Variants in HNRNPU observed in about 807,000 individuals in gnomAD.
HNRNPU encodes the protein HNRNPU antisense RNA 1.
In HNRNPU, 5 loss-of-function variants were observed where a neutral mutation model predicts 94.7. The observed-to-expected ratio is 0.05, with a 90% confidence interval of 0.03 to 0.11. The LOEUF (loss-of-function observed/expected upper bound fraction) is 0.11, where lower values mean the gene tolerates loss of function less well. Among genes scored for constraint, HNRNPU ranks in the 10% least tolerant of loss-of-function variants. The pLI, the probability that HNRNPU is intolerant of heterozygous loss-of-function variation, is 1.00. For synonymous variants in HNRNPU, 434 were observed against 381.6 expected, an observed-to-expected ratio of 1.14 and a Z score of -1.60; for missense variants, 710 against 1,049.2, an observed-to-expected ratio of 0.68 and a Z score of 4.47.
Position 244,853,397 on chromosome 1 carries a change from TTC to T in HNRNPU, c.*1051_*1052del, listed in dbSNP as rs1680597585. The T allele has an allele frequency of 6.6e-6, 1 of 152,550 alleles. No homozygotes were observed. The highest frequency in any genetic ancestry group is 2.4e-5 in the African/African-American group (1 of 41,424). 9.4% of individuals were successfully genotyped at this position (152,550 alleles called of 1,614,324 possible). On this transcript the variant is annotated 3_prime_UTR_variant, in exon 14 of 14. Transcript: ENST00000640218. ...AATCCCAAAACAAGAGTAAAATGAATTCTTTTTATTGCAAACAAACGTCTAAA... is the reference window on the plus strand; with the variant it reads ...AATCCCAAAACAAGAGTAAAATGAATTTTTTATTGCAAACAAACGTCTAAA...
chr1:244,857,529 G>A (rs1181032301), intron 8 of HNRNPU, 69 bp downstream of exon 8: 1 of 1,507,490 alleles, frequency 6.6e-7, no homozygotes, highest in East Asian at 2.3e-5. Flanking sequence ...TTACAGGCGT[G>A]AACCACCATG....
chr1:244,855,126 G>A (rs1680644135), intron 12 of HNRNPU, 82 bp from the exon 13 acceptor site: 4 of 1,092,094 alleles, frequency 3.7e-6, no homozygotes. Flanking sequence ...GAGCAGAAAT[G>A]GACAGGTTGC....
At position 244,850,571 on chromosome 1, in the gene HNRNPU, TTATG is replaced by T. The variant is rs1680521177; in HGVS notation, c.*3875_*3878del. ...TTAACAATTCGAAGAGACTTGTGGT[TTATG>T]TATTAGTAATTCAAATTACTGTTTT... On this transcript the variant is annotated 3_prime_UTR_variant, in exon 14 of 14. Coordinates refer to ENST00000640218, the MANE Select transcript of HNRNPU (RefSeq NM_031844.3). 1 of 150,450 alleles carries T rather than the reference TTATG, an allele frequency of 6.6e-6. No homozygotes were observed. Among genetic ancestry groups the T allele is most frequent in the African/African-American group, 2.4e-5 (1 of 40,938 alleles). 9.3% of individuals were successfully genotyped at this position (150,450 alleles called of 1,614,324 possible). A position where few individuals can be genotyped will look rare whatever the true frequency, so the allele number is the denominator to read the frequency against.
chr1:244,864,508 A>C lies in HNRNPU; in HGVS notation c.-201T>G. 1 of 872,476 alleles carries C rather than the reference A, an allele frequency of 1.1e-6. No homozygotes were observed. The highest frequency in any genetic ancestry group is 1.9e-5 in the South Asian group (1 of 52,466). 54.0% of individuals were successfully genotyped at this position (872,476 alleles called of 1,614,324 possible). ...CACCGAGTTCGCGAGGGAGACGCGG[A>C]GACTCGCCTGGCGCGAGCGAGCACG... On this transcript the variant is annotated 5_prime_UTR_variant, in exon 1 of 14. Coordinates refer to ENST00000640218, the MANE Select transcript of HNRNPU (RefSeq NM_031844.3).
chr1:244,855,302 T>C lies in HNRNPU; in HGVS notation c.2352+122A>G, dbSNP rs2102984855. The C allele has an allele frequency of 9.1e-6, 9 of 989,222 alleles. No individual in the cohort carries two copies. In the South Asian group the frequency reaches 1.2e-4, roughly 14 times the overall value. The allele number at this position is 989,222 out of a possible 1,614,324, so 61.3% of individuals were successfully genotyped here. On this transcript the variant is annotated intron_variant, in intron 12 of 13. Coordinates refer to ENST00000640218, the MANE Select transcript of HNRNPU (RefSeq NM_031844.3). ...TCATTTCACCATTACTAGTTCAATT[T>C]TCCTTATGTCAATGCCTATCATGTT... is the stretch of plus-strand genomic sequence containing the variant.
At position 244,864,328 on chromosome 1, in the gene HNRNPU, G is replaced by C. The variant is rs757373909; in HGVS notation, c.-21C>G. The stretch of plus-strand genomic sequence containing the variant: ...CTCATGGTGAGGGCCCCGATTCACC[G>C]CTAGGCGCTGCCTCAAACTCGGCTC... On this transcript the variant is annotated 5_prime_UTR_variant, in exon 1 of 14. Transcript: ENST00000640218. 3 of 1,608,830 alleles carry C rather than the reference G, an allele frequency of 1.9e-6. No individual in the cohort carries two copies. The highest frequency in any genetic ancestry group is 2.2e-5 in the East Asian group (1 of 44,760).
rs777015649 is a variant in HNRNPU, at chr1:244,858,726, T to C, written c.1230+3A>G. The C allele has an allele frequency of 1.3e-6, 2 of 1,500,452 alleles. No homozygotes were observed. The highest frequency in any genetic ancestry group is 1.9e-6 in the Non-Finnish European group (2 of 1,078,824). The allele number at this position is 1,500,452 out of a possible 1,614,324, so 92.9% of individuals were successfully genotyped here. A position where few individuals can be genotyped will look rare whatever the true frequency, so the allele number is the denominator to read the frequency against. ...TATACATAGAAAGTTAGCTTTAACT[T>C]ACAGCAAAACATGTAATCACATCAT... On this transcript the variant is annotated splice_donor_region_variant and intron_variant, in intron 6 of 13. Transcript: ENST00000640218.
chr1:244,853,907 T>A lies in HNRNPU; in HGVS notation c.*543A>T, dbSNP rs905261350. 1.3e-5 allele frequency: 2 copies of A among 152,772 alleles called. No individual in the cohort carries two copies. The highest frequency in any genetic ancestry group is 2.9e-5 in the Non-Finnish European group (2 of 68,090). 9.5% of individuals were successfully genotyped at this position (152,772 alleles called of 1,614,324 possible). Reference sequence around the variant, plus strand: ...TTATTTTAAGAAAAAACCTTCCCAGTTATTGTCAGAAACTATGATTTAGCT... The same window carrying A: ...TTATTTTAAGAAAAAACCTTCCCAGATATTGTCAGAAACTATGATTTAGCT... On this transcript the variant is annotated 3_prime_UTR_variant, in exon 14 of 14. Transcript: ENST00000640218.
rs995352473 is a variant in HNRNPU at position 244,851,280 on chromosome 1, T to G, written c.*3170A>C. The G allele has an allele frequency of 1.3e-5, 2 of 152,244 alleles. No individual in the cohort carries two copies. Among genetic ancestry groups the G allele is most frequent in the Non-Finnish European group, 2.9e-5 (2 of 68,032 alleles). 9.4% of individuals were successfully genotyped at this position (152,244 alleles called of 1,614,324 possible). On this transcript the variant is annotated 3_prime_UTR_variant, in exon 14 of 14. Transcript: ENST00000640218. ...TTTTTTAAAAATCAAATATACAAGA[T>G]CTACAATTATTTATATCCAAGATGT...
Position 244,864,026 on chromosome 1 carries a change from TTCC to T in HNRNPU, c.279_281del (p.Glu94del), listed in dbSNP as rs749084511. On this transcript the variant is annotated inframe_deletion, in exon 1 of 14. Coordinates refer to ENST00000640218, the MANE Select transcript of HNRNPU (RefSeq NM_031844.3). ...GGTCGCCGTCCAGAGCGGAGATTCC[TTCC>T]TCCTCCTCTTCCTCTTCCTCCTCCT... 6 of 1,612,480 alleles carry T rather than the reference TTCC, an allele frequency of 3.7e-6. No homozygotes were observed. The highest frequency in any genetic ancestry group is 4.2e-6 in the Non-Finnish European group (5 of 1,179,488).
intron 1 of HNRNPU, 119 bp from the exon 2 acceptor site, chr1:244,862,849 G>A (rs1426532516): frequency 2.7e-6 from 2 of 734,604 alleles, no homozygotes; most frequent in African/African-American, 1.8e-5. Context: ...TTTTAACCGA[G>A]GACTCAAATG....
At position 244,864,311 on chromosome 1, in the gene HNRNPU, G is replaced by A; in HGVS notation, c.-4C>T. On this transcript the variant is annotated 5_prime_UTR_variant, in exon 1 of 14. Coordinates refer to ENST00000640218, the MANE Select transcript of HNRNPU (RefSeq NM_031844.3). ...CATTAACAGGCGAGGAACTCATGGTGAGGGCCCCGATTCACCGCTAGGCGC... is the reference window on the plus strand; with the variant it reads ...CATTAACAGGCGAGGAACTCATGGTAAGGGCCCCGATTCACCGCTAGGCGC... The A allele has an allele frequency of 3.1e-6, 5 of 1,612,246 alleles. No homozygotes were observed. Among genetic ancestry groups the A allele is most frequent in the Non-Finnish European group, 3.4e-6 (4 of 1,179,606 alleles).
In HNRNPU at chr1:244,854,870, T is replaced by A. The variant is rs1680638454; in HGVS notation, c.2424+103A>T. The A allele has an allele frequency of 2.0e-5, 20 of 989,030 alleles. No individual in the cohort carries two copies. In the South Asian group the frequency reaches 2.5e-4, roughly 12 times the overall value. The allele number at this position is 989,030 out of a possible 1,614,324, so 61.3% of individuals were successfully genotyped here. A position where few individuals can be genotyped will look rare whatever the true frequency, so the allele number is the denominator to read the frequency against. On this transcript the variant is annotated intron_variant, in intron 13 of 13. Coordinates refer to ENST00000640218, the MANE Select transcript of HNRNPU (RefSeq NM_031844.3). ...GATTCACACTTTACCCTATTAACAC[T>A]TATAAACACTTCAATCCCTGAACAA...
rs1465646444 is a variant in HNRNPU at position 244,863,917 on chromosome 1, C to G, written c.391G>C (p.Glu131Gln). The change falls in exon 1 of 14, where the codon GAG (glutamate) becomes CAG (glutamine). Residue 131 changes from glutamate to glutamine, a missense_variant. Physicochemically the swap from Glu to Gln is conservative, Grantham distance 29. Transcript: ENST00000640218. ...MEEEEAASED[E>Q]NGDDQGFQEG... is the part of the protein sequence containing the mutation. ...TGGAAACCCTGATCGTCGCCGTTCT[C>G]GTCTTCCGAGGCGGCCTCCTCCTCC... The G allele has an allele frequency of 6.2e-7, 1 of 1,613,986 alleles. No individual in the cohort carries two copies. Among genetic ancestry groups the G allele is most frequent in the Non-Finnish European group, 8.5e-7 (1 of 1,179,958 alleles).
chr1:244,851,907 T>C lies in HNRNPU; in HGVS notation c.*2543A>G, dbSNP rs1312955074. The C allele has an allele frequency of 6.6e-6, 1 of 152,220 alleles. No individual in the cohort carries two copies. The highest frequency in any genetic ancestry group is 1.5e-5 in the Non-Finnish European group (1 of 68,048). The allele number at this position is 152,220 out of a possible 1,614,324, so 9.4% of individuals were successfully genotyped here. A position where few individuals can be genotyped will look rare whatever the true frequency, so the allele number is the denominator to read the frequency against. Reference sequence around the variant, plus strand: ...TTTCTCAAATTCTATGCTGTTTTTGTACTACTGCAGCTGACCAATCCAAAG... The same window carrying C: ...TTTCTCAAATTCTATGCTGTTTTTGCACTACTGCAGCTGACCAATCCAAAG... On this transcript the variant is annotated 3_prime_UTR_variant, in exon 14 of 14. Transcript: ENST00000640218.
Position 244,864,024 on chromosome 1 carries a change from CCTTCCTCCTCCTCTTCCT to C in HNRNPU, c.266_283del (p.Glu89_Glu94del), listed in dbSNP as rs1558190683. On this transcript the variant is annotated inframe_deletion, in exon 1 of 14. Transcript: ENST00000640218. ...CTGGTCGCCGTCCAGAGCGGAGATT[CCTTCCTCCTCCTCTTCCT>C]CTTCCTCCTCCTCTTCATCGCCGCC... The C allele has an allele frequency of 6.2e-7, 1 of 1,612,570 alleles. No individual in the cohort carries two copies. The highest frequency in any genetic ancestry group is 8.5e-7 in the Non-Finnish European group (1 of 1,179,482).
At position 244,864,482 on chromosome 1, in the gene HNRNPU, T is replaced by C; in HGVS notation, c.-175A>G. On this transcript the variant is annotated 5_prime_UTR_variant, in exon 1 of 14. Coordinates refer to ENST00000640218, the MANE Select transcript of HNRNPU (RefSeq NM_031844.3). ...TGGTGTCGAACGGCGCCAATTCCTT[T>C]CACCGAGTTCGCGAGGGAGACGCGG... 1 of 1,118,268 alleles carries C rather than the reference T, an allele frequency of 8.9e-7. No homozygotes were observed. The highest frequency in any genetic ancestry group is 1.2e-6 in the Non-Finnish European group (1 of 814,120). The allele number at this position is 1,118,268 out of a possible 1,614,324, so 69.3% of individuals were successfully genotyped here.
intron 13 of HNRNPU, 111 bp downstream of exon 13, chr1:244,854,862 A>AT: frequency 1.1e-6 from 1 of 909,314 alleles, no homozygotes; most frequent in South Asian, 1.4e-5. Context: ...ACTTTACCCT[A>AT]TTAACACTTA....
intron 3 of HNRNPU, chr1:244,861,841 G>A (rs1315898192): frequency 1.3e-5 from 2 of 151,696 alleles, no homozygotes; most frequent in African/African-American, 4.8e-5. Flanking sequence ...TAAAGTAGCA[G>A]TATTTACAGT....
Sources: allele counts gnomAD v4.1 joint callset, GRCh38; gene constraint gnomAD v4.1.1; transcripts MANE v1.5; gene names NCBI Gene and HGNC (gene_info 2026-07-23, HGNC 2026-07-21).